Variants in EPN3 observed in about 807,000 individuals in gnomAD.
The protein encoded by EPN3 is epsin 3.
Under a neutral mutation model 55.5 loss-of-function variants are expected in EPN3, and 56 were observed. The ratio of observed to expected loss-of-function variants is 1.01; its 90% CI spans 0.81 to 1.26. EPN3 has a LOEUF of 1.26. EPN3 is among the 50% of genes most tolerant of loss of function. EPN3 has a pLI of 0.00. For synonymous variants in EPN3, 449 were observed against 375.2 expected, an observed-to-expected ratio of 1.20 and a Z score of -2.27; for missense variants, 927 against 853.4, an observed-to-expected ratio of 1.09 and a Z score of -1.07.
In EPN3 at chr17:50,540,829, G is replaced by C; in HGVS notation, c.1016G>C (p.Trp339Ser). The C allele has an allele frequency of 6.2e-7, 1 of 1,613,728 alleles. No homozygotes were observed. Among genetic ancestry groups the C allele is most frequent in the South Asian group, 1.1e-5 (1 of 91,008 alleles). The change falls in exon 7 of 10, where the codon TGG (tryptophan) becomes TCG (serine). Residue 339 changes from tryptophan (W) to serine (S), a missense_variant. Physicochemically the swap from Trp to Ser is radical, Grantham distance 177. Transcript: ENST00000268933. ...AACACAGAGGCCAGTGGATCCTCCT[G>C]GGGGCCTTCTGCAGACCCCTGGTCT... is the stretch of plus-strand genomic sequence containing the variant. ...RPNTEASGSS[W>S]GPSADPWSPI... is the part of the protein sequence containing the mutation.
rs1672411350 is a variant in EPN3, at chr17:50,541,605, T to C, written c.1496T>C (p.Phe499Ser). 1 of 1,614,166 alleles carries C rather than the reference T, an allele frequency of 6.2e-7. No homozygotes were observed. Among genetic ancestry groups the C allele is most frequent in the Admixed American group, 1.7e-5 (1 of 60,016 alleles). ...EARACRTPES[F>S]LGPSASSLVN... ...CGAGCTTGCCGGACTCCCGAGTCCT[T>C]CCTGGGTCCCTCAGCTTCCTCCTTG... Residue 499 changes from phenylalanine (F) to serine (S), a missense_variant, in exon 9 of 10, where the codon TTC becomes TCC. Coordinates refer to ENST00000268933, the MANE Select transcript of EPN3 (RefSeq NM_017957.3).
Position 50,541,219 on chromosome 17 carries a change from C to T in EPN3, c.1250-10C>T, listed in dbSNP as rs371106341. The stretch of plus-strand genomic sequence containing the variant: ...GTCAACCCATCTCCTCTTCCTCTCT[C>T]TCTTCCGAGGTGGTGCCTCGACCTT... On this transcript the variant is annotated splice_polypyrimidine_tract_variant and intron_variant, in intron 7 of 9. Transcript: ENST00000268933. 6.2e-7 allele frequency: 1 copy of T among 1,613,520 alleles called. No homozygotes were observed. The highest frequency in any genetic ancestry group is 1.3e-5 in the African/African-American group (1 of 74,936).
intron 1 of EPN3, among the ~76,000 whole-genome samples, chr17:50,534,863 G>A (rs1281536504): frequency 6.6e-6 from 1 of 152,236 alleles, no homozygotes; most frequent in African/African-American, 2.4e-5. Flanking sequence ...GGCAGCCTGG[G>A]GACCAGTTGG....
Position 50,540,335 on chromosome 17 carries a change from G to A in EPN3, c.979+1G>A. On this transcript the variant is annotated splice_donor_variant, in intron 6 of 9. Coordinates refer to ENST00000268933, the MANE Select transcript of EPN3 (RefSeq NM_017957.3). LOFTEE classifies it high-confidence loss of function. The stretch of plus-strand genomic sequence containing the variant: ...TCTGCTGACCCATGGGACATCCCAG[G>A]TGGGCATGCAGGGCTGCAAGAGACT... 1 of 1,609,558 alleles carries A rather than the reference G, an allele frequency of 6.2e-7. No homozygotes were observed. Among genetic ancestry groups the A allele is most frequent in the Non-Finnish European group, 8.5e-7 (1 of 1,179,322 alleles).
chr17:50,541,892 G>A lies in EPN3; in HGVS notation c.1634G>A (p.Gly545Asp). ...PTNPFGAGEP[G>D]RPTLNQMRTG... Reference sequence around the variant, plus strand: ...AACCCGTTCGGCGCGGGCGAGCCGGGCAGGCCGACGCTAAACCAGATGCGC... The same window carrying A: ...AACCCGTTCGGCGCGGGCGAGCCGGACAGGCCGACGCTAAACCAGATGCGC... Residue 545 changes from glycine (G) to aspartate (D), a missense_variant, in exon 10 of 10, where the codon GGC becomes GAC. Physicochemically the swap from Gly to Asp is moderately conservative, Grantham distance 94. Transcript: ENST00000268933. 3 of 1,605,804 alleles carry A rather than the reference G, an allele frequency of 1.9e-6. No homozygotes were observed. The highest frequency in any genetic ancestry group is 2.5e-6 in the Non-Finnish European group (3 of 1,179,724).
In EPN3 at chr17:50,540,304, C is replaced by T; in HGVS notation, c.949C>T (p.His317Tyr). 6.2e-7 allele frequency: 1 copy of T among 1,612,526 alleles called. No individual in the cohort carries two copies. The highest frequency in any genetic ancestry group is 8.5e-7 in the Non-Finnish European group (1 of 1,179,974). The change falls in exon 6 of 10, where the codon CAC (histidine) becomes TAC (tyrosine). Residue 317 changes from histidine (H) to tyrosine (Y), a missense_variant. Coordinates refer to ENST00000268933, the MANE Select transcript of EPN3 (RefSeq NM_017957.3). ...ACCTGCCCTGGCCCCGCCCTCCACA[C>T]ACTGCTCTGCTGACCCATGGGACAT... ...FVPALAPPST[H>Y]CSADPWDIPG...
At chr17:50,535,815 AAAG>A (rs2034751465) in intron 1 of EPN3, among the ~76,000 whole-genome samples, 1 of 152,188 alleles carries the variant, frequency 6.6e-6, no homozygotes, top group Non-Finnish European at 1.5e-5. Flanking sequence ...CAATATGAGA[AAAG>A]TGAGCTGAGG....
chr17:50,541,088 G>A (rs1308785365), intron 7 of EPN3, 26 bp downstream of exon 7: 1 of 1,569,434 alleles, frequency 6.4e-7, no homozygotes, highest in Admixed American at 1.7e-5. Context: ...GAGAGTGTGA[G>A]TGAGGAGCTG....
At chr17:50,536,356 G>C (rs1352477611) in intron 1 of EPN3, 65 bp from the exon 2 acceptor site, 21 of 1,360,768 alleles carry the variant, frequency 1.5e-5, no homozygotes, top group Non-Finnish European at 1.9e-5. Flanking sequence ...CATTTAGTTG[G>C]TCAGTGGCTG....
chr17:50,541,522 A>G lies in EPN3; in HGVS notation c.1413A>G (p.Pro471=). 1.2e-6 allele frequency: 2 copies of G among 1,614,218 alleles called. No individual in the cohort carries two copies. Among genetic ancestry groups the G allele is most frequent in the Non-Finnish European group, 1.7e-6 (2 of 1,180,034 alleles). Residue 471 remains proline, a synonymous_variant, in exon 9 of 10, where the codon CCA becomes CCG. Transcript: ENST00000268933. ...PSSKQNGTKE[P]DALDLGILGE... Reference sequence around the variant, plus strand: ...CCAAGCAAAATGGCACGAAGGAGCCAGATGCCCTGGACCTGGGCATACTAG... The same window carrying G: ...CCAAGCAAAATGGCACGAAGGAGCCGGATGCCCTGGACCTGGGCATACTAG...
Position 50,538,868 on chromosome 17 carries a change from C to T in EPN3, c.682-16C>T. 3 of 1,572,480 alleles carry T rather than the reference C, an allele frequency of 1.9e-6. No homozygotes were observed. The highest frequency in any genetic ancestry group is 2.6e-6 in the Non-Finnish European group (3 of 1,156,590). On this transcript the variant is annotated splice_polypyrimidine_tract_variant and intron_variant, in intron 3 of 9. Coordinates refer to ENST00000268933, the MANE Select transcript of EPN3 (RefSeq NM_017957.3). Reference sequence around the variant, plus strand: ...TGGGGGTACAGGGCCAAGTTTACCCCTCTCTTCCTCCGCAGCCTGTCCCCC... The same window carrying T: ...TGGGGGTACAGGGCCAAGTTTACCCTTCTCTTCCTCCGCAGCCTGTCCCCC...
Position 50,542,293 on chromosome 17 carries a change from G to C in EPN3, c.*136G>C. ...CGGCTGGTATCCCGCGGCGGCTCTG[G>C]AAGCTGGACGCGGACCACGGCCCGG... On this transcript the variant is annotated 3_prime_UTR_variant, in exon 10 of 10. Transcript: ENST00000268933. The C allele has an allele frequency of 3.2e-6, 3 of 937,424 alleles. No individual in the cohort carries two copies. Among genetic ancestry groups the C allele is most frequent in the Non-Finnish European group, 4.4e-6 (3 of 686,848 alleles). 58.1% of individuals were successfully genotyped at this position (937,424 alleles called of 1,614,324 possible).
intron 9 of EPN3, 55 bp from the exon 10 acceptor site, chr17:50,541,789 C>T (rs2034852467): frequency 6.2e-7 from 1 of 1,608,350 alleles, no homozygotes; most frequent in Non-Finnish European, 8.5e-7. Flanking sequence ...CTTCCACGAC[C>T]TCCCGGTGTA....
chr17:50,541,360 C>T (rs1328918738), intron 8 of EPN3, 27 bp downstream of exon 8: 3 of 1,609,282 alleles, frequency 1.9e-6, no homozygotes, highest in South Asian at 1.1e-5. Flanking sequence ...GATGGTGAGG[C>T]TCTGGGGAAT....
rs758684131 is a variant in EPN3, at chr17:50,536,475, C to T, written c.-82C>T. 5.7e-6 allele frequency: 9 copies of T among 1,589,560 alleles called. No homozygotes were observed. Among genetic ancestry groups the T allele is most frequent in the Admixed American group, 3.6e-5 (2 of 55,662 alleles). On this transcript the variant is annotated 5_prime_UTR_variant, in exon 2 of 10. The change creates a premature stop within an existing upstream ORF in the 5' untranslated region. Coordinates refer to ENST00000268933, the MANE Select transcript of EPN3 (RefSeq NM_017957.3). Reference sequence around the variant, plus strand: ...TCTGCTAACACGGCAGCCCATCCTTCAAGACTGTGACCTCGCCACAGTGGC... The same window carrying T: ...TCTGCTAACACGGCAGCCCATCCTTTAAGACTGTGACCTCGCCACAGTGGC...
chr17:50,542,871 G>A lies in EPN3; in HGVS notation c.*714G>A, dbSNP rs2034867871. 2 of 152,208 alleles carry A rather than the reference G, an allele frequency of 1.3e-5. No individual in the cohort carries two copies. Among genetic ancestry groups the A allele is most frequent in the African/African-American group, 4.8e-5 (2 of 41,436 alleles). 9.4% of individuals were successfully genotyped at this position (152,208 alleles called of 1,614,324 possible). On this transcript the variant is annotated 3_prime_UTR_variant, in exon 10 of 10. Transcript: ENST00000268933. Reference sequence around the variant, plus strand: ...CCAAGCGCAAAGCCCACTGCAGTGCGATTGCACAGGTATCTCACCTTGCAG... The same window carrying A: ...CCAAGCGCAAAGCCCACTGCAGTGCAATTGCACAGGTATCTCACCTTGCAG...
At chr17:50,540,357 G>T in intron 6 of EPN3, 23 bp downstream of exon 6, 1 of 1,598,998 alleles carries the variant, frequency 6.3e-7, no homozygotes. Flanking sequence ...GGCTGCAAGA[G>T]ACTTCCAGGC....
chr17:50,534,623 C>A, intron 1 of EPN3: 1 of 985,458 alleles, frequency 1.0e-6, no homozygotes, highest in Non-Finnish European at 1.2e-6. Context: ...GCCCACGACC[C>A]GCTGGAAGGA....
At chr17:50,541,155 C>T (rs1247940873) in intron 7 of EPN3, 74 bp from the exon 8 acceptor site, 1 of 1,603,112 alleles carries the variant, frequency 6.2e-7, no homozygotes, top group Non-Finnish European at 8.5e-7. Context: ...AGGAGGACAG[C>T]TTCTCTGGAA....
Sources: allele counts gnomAD v4.1 joint callset (sites outside exome capture counted in the v4.1 genomes callset), GRCh38; gene constraint gnomAD v4.1.1; transcripts MANE v1.5; gene names NCBI Gene and HGNC (gene_info 2026-07-23, HGNC 2026-07-21).